Variants in WWTR1 observed in about 807,000 individuals in gnomAD.
WWTR1 encodes WW domain-containing transcription regulator protein 1.
A neutral mutation model predicts 40.1 loss-of-function variants in WWTR1; 13 were observed. The observed-to-expected ratio is 0.32, with a 90% CI of 0.21 to 0.52. The LOEUF (loss-of-function observed/expected upper bound fraction) is 0.52. WWTR1 is among the 20% of genes least tolerant of loss of function. The pLI is 0.97. For synonymous variants in WWTR1, 230 were observed against 210.1 expected (o/e 1.09, Z -0.82); for missense variants, 436 against 523.1 (o/e 0.83, Z 1.63).
At chr3:149,611,735 T>C (rs1412117403) in intron 2 of WWTR1, among the ~76,000 whole-genome samples, 1 of 152,212 alleles carries the variant, frequency 6.6e-6, no homozygotes, top group Non-Finnish European at 1.5e-5. Context: ...CTACCCAGAC[T>C]ACATGGTTTA....
chr3:149,697,924 G>C (rs1171379569), intron 1 of WWTR1, among the ~76,000 whole-genome samples: 1 of 152,200 alleles, frequency 6.6e-6, no homozygotes, highest in Non-Finnish European at 1.5e-5. Context: ...AACCCAGGAG[G>C]GCAGGCATTA....
intron 2 of WWTR1, among the ~76,000 whole-genome samples, chr3:149,656,368 G>A (rs1030518154): frequency 5.9e-5 from 9 of 152,184 alleles, no homozygotes; most frequent in South Asian, 2.1e-4. Context: ...CCAGCTGGGA[G>A]CACTATGGCC....
chr3:149,682,702 A>G (rs1714500089), intron 1 of WWTR1, among the ~76,000 whole-genome samples: 1 of 152,218 alleles, frequency 6.6e-6, no homozygotes, highest in Non-Finnish European at 1.5e-5. Context: ...AAGGTTTCAA[A>G]AAGTATAGTC....
chr3:149,686,802 C>T (rs928039453), intron 1 of WWTR1, among the ~76,000 whole-genome samples: 5 of 152,164 alleles, frequency 3.3e-5, no homozygotes, highest in Non-Finnish European at 7.3e-5. Flanking sequence ...CATAATCTAG[C>T]CCCTTCTCCA....
intron 2 of WWTR1, among the ~76,000 whole-genome samples, chr3:149,624,184 C>A (rs181008294): frequency 6.6e-6 from 1 of 152,058 alleles, no homozygotes; most frequent in Non-Finnish European, 1.5e-5. Flanking sequence ...TGAACAGATA[C>A]TGGCATACAT....
intron 2 of WWTR1, among the ~76,000 whole-genome samples, chr3:149,628,737 T>TTTTATTA (rs1553801365): frequency 6.9e-6 from 1 of 144,650 alleles, no homozygotes. Context: ...CTTTTTATTT[T>TTTTATTA]TTTTATTTTA....
At chr3:149,600,931 G>A (rs1219087465) in intron 2 of WWTR1, among the ~76,000 whole-genome samples, 1 of 152,050 alleles carries the variant, frequency 6.6e-6, no homozygotes, top group African/African-American at 2.4e-5. Flanking sequence ...CTAGTCATGT[G>A]GGTGAGCCCC....
chr3:149,546,378 C>G (rs575125753), intron 3 of WWTR1, among the ~76,000 whole-genome samples: 1 of 152,268 alleles, frequency 6.6e-6, no homozygotes, highest in East Asian at 1.9e-4. Flanking sequence ...GAGATATGGT[C>G]CACCCATTTA....
At chr3:149,705,814 T>C (rs943018601), upstream of WWTR1, among the ~76,000 whole-genome samples, 1 of 152,214 alleles carries the variant, frequency 6.6e-6, no homozygotes, top group Non-Finnish European at 1.5e-5. Context: ...AGTAATTTTC[T>C]CAAAGTTTCA....
intron 2 of WWTR1, among the ~76,000 whole-genome samples, chr3:149,635,921 T>C (rs1711795801): frequency 6.6e-6 from 1 of 152,250 alleles, no homozygotes; most frequent in Non-Finnish European, 1.5e-5. Context: ...TTCTTCCCTT[T>C]ATTCTGGTCA....
chr3:149,719,448 G>C (rs1715703897), intron 4 of WWTR1, among the ~76,000 whole-genome samples: 1 of 152,208 alleles, frequency 6.6e-6, no homozygotes. Flanking sequence ...TGGGATTACA[G>C]GCGTGGCCAC....
rs76728235 is a variant in WWTR1 at position 149,648,787 on chromosome 3, C to T, written c.431+8089G>A. 6.4e-3 allele frequency among the ~76,000 whole-genome samples: 974 copies of T among 152,204 alleles called. 6 individuals are homozygous for T. Among genetic ancestry groups the T allele is most frequent in the African/African-American group, 0.021 (881 of 41,508 alleles). ...TTAGGACACACCTTACAAAGGCTTC[C>T]GGCAAACCAAGGTGGAAGGCAGCTG... is the stretch of plus-strand genomic sequence containing the variant. On this transcript the variant is annotated intron_variant, in intron 2 of 6. Transcript: ENST00000360632.
intron 2 of WWTR1, among the ~76,000 whole-genome samples, chr3:149,622,490 GAAGGAAGGAAGGAAGAAAGA>G (rs1354264154): frequency 5.1e-4 from 32 of 62,714 alleles, no homozygotes; most frequent in African/African-American, 1.5e-3. Flanking sequence ...AGGAAGGAAG[GAAGGAAGGAAGGAAGAAAGA>G]AAGAAAGAAA....
chr3:149,602,500 C>T (rs1323972635), intron 2 of WWTR1, among the ~76,000 whole-genome samples: 1 of 152,192 alleles, frequency 6.6e-6, no homozygotes, highest in Non-Finnish European at 1.5e-5. Flanking sequence ...CCGACTCAGT[C>T]TCACAGACTG....
At chr3:149,695,569 T>C (rs886711572) in intron 1 of WWTR1, among the ~76,000 whole-genome samples, 2 of 151,558 alleles carry the variant, frequency 1.3e-5, no homozygotes, top group African/African-American at 4.8e-5. Flanking sequence ...GAGATCAGCC[T>C]GGCCAACATG....
chr3:149,701,030 C>G (rs566508272), intron 1 of WWTR1, among the ~76,000 whole-genome samples: 1 of 152,276 alleles, frequency 6.6e-6, no homozygotes, highest in Admixed American at 6.5e-5. Context: ...GCAATCGGTG[C>G]GGTAGGCCCA....
intron 6 of WWTR1, among the ~76,000 whole-genome samples, chr3:149,523,076 A>AT (rs1360108414): frequency 4.6e-5 from 7 of 151,596 alleles, no homozygotes; most frequent in Admixed American, 4.6e-4. Flanking sequence ...AAAAAAAAAA[A>AT]AAAAAATTAC....
chr3:149,564,214 G>A (rs1737207923), intron 3 of WWTR1, among the ~76,000 whole-genome samples: 1 of 152,160 alleles, frequency 6.6e-6, no homozygotes, highest in Non-Finnish European at 1.5e-5. Context: ...TAATTCTTTT[G>A]GGAGCAAACA....
intron 2 of WWTR1, 46 bp from the exon 3 acceptor site, chr3:149,573,046 A>G: frequency 1.3e-6 from 2 of 1,532,368 alleles, no homozygotes; most frequent in Non-Finnish European, 1.8e-6. Flanking sequence ...TGTCAGCATC[A>G]TTATCATCAT....
Sources: allele counts gnomAD v4.1 joint callset (sites outside exome capture counted in the v4.1 genomes callset), GRCh38; gene constraint gnomAD v4.1.1; transcripts MANE v1.5; gene names NCBI Gene and HGNC (gene_info 2026-07-23, HGNC 2026-07-21).